CNTNAP2: variants seen among roughly 807,000 people sequenced by gnomAD.
The protein encoded by CNTNAP2 is contactin associated protein 2.
A neutral mutation model predicts 155.2 loss-of-function variants in CNTNAP2; 98 were observed. The observed-to-expected ratio is 0.63, with a 90% CI of 0.54 to 0.75. The LOEUF (loss-of-function observed/expected upper bound fraction) is 0.75. Ranked by LOEUF, CNTNAP2 falls within the 30% of genes least tolerant of loss-of-function variation. The pLI is 0.00. For missense variants in CNTNAP2, 1,727 were observed against 1,688.1 expected, an observed-to-expected ratio of 1.02 and a Z score of -0.40; for synonymous variants, 651 against 631.2, an observed-to-expected ratio of 1.03 and a Z score of -0.47.
At chr7:148,131,057 T>G (rs1804820852) in intron 16 of CNTNAP2, among the ~76,000 whole-genome samples, 1 of 151,418 alleles carries the variant, frequency 6.6e-6, no homozygotes, top group African/African-American at 2.4e-5. Flanking sequence ...CTCTCTTGGA[T>G]TCTAACGTTT....
intron 1 of CNTNAP2, among the ~76,000 whole-genome samples, chr7:146,205,794 A>G (rs1191225983): frequency 6.6e-6 from 1 of 151,918 alleles, no homozygotes; most frequent in Non-Finnish European, 1.5e-5. Flanking sequence ...TATATTTAAT[A>G]TGAGTGAAAA....
chr7:146,843,302 G>T (rs182239821), intron 3 of CNTNAP2, among the ~76,000 whole-genome samples: 1 of 146,466 alleles, frequency 6.8e-6, no homozygotes, highest in Non-Finnish European at 1.5e-5. Flanking sequence ...GTGAGCCACC[G>T]CGCCCGGCCC....
At chr7:147,037,416 T>A (rs1030876753) in intron 3 of CNTNAP2, among the ~76,000 whole-genome samples, 3 of 151,726 alleles carry the variant, frequency 2.0e-5, no homozygotes, top group African/African-American at 7.2e-5. Context: ...AAGTTTGTCT[T>A]TACTAGGTAT....
At chr7:148,145,779 G>A (rs1805165642) in intron 16 of CNTNAP2, among the ~76,000 whole-genome samples, 1 of 152,174 alleles carries the variant, frequency 6.6e-6, no homozygotes, top group African/African-American at 2.4e-5. Flanking sequence ...TACTTCCATG[G>A]AAACCTTGAT....
intron 1 of CNTNAP2, among the ~76,000 whole-genome samples, chr7:146,477,656 C>T (rs1796898711): frequency 6.7e-6 from 1 of 149,718 alleles, no homozygotes; most frequent in African/African-American, 2.4e-5. Flanking sequence ...CACACACACA[C>T]ACACACACAC....
intron 10 of CNTNAP2, among the ~76,000 whole-genome samples, chr7:147,441,689 G>T (rs1002939185): frequency 6.6e-6 from 1 of 152,104 alleles, no homozygotes; most frequent in Non-Finnish European, 1.5e-5. Context: ...TAACACTATG[G>T]TTCTTGCAGA....
chr7:146,352,771 T>TTTTTTTC (rs1563051362), intron 1 of CNTNAP2, among the ~76,000 whole-genome samples: 2 of 142,612 alleles, frequency 1.4e-5, no homozygotes, highest in African/African-American at 5.3e-5. Context: ...TTTTTTTTTT[T>TTTTTTTC]CGAGACAGAG....
At chr7:147,241,483 C>A (rs1803936577) in intron 8 of CNTNAP2, among the ~76,000 whole-genome samples, 2 of 151,946 alleles carry the variant, frequency 1.3e-5, no homozygotes, top group South Asian at 4.2e-4. Flanking sequence ...CAAAAATTAC[C>A]TGGGCGTGGT....
intron 21 of CNTNAP2, among the ~76,000 whole-genome samples, chr7:148,308,936 A>G (rs998693000): frequency 7.9e-5 from 12 of 152,166 alleles, no homozygotes; most frequent in Admixed American, 5.9e-4. Flanking sequence ...ATAGTGTTCC[A>G]TGGTGTATAT....
chr7:146,961,366 G>C (rs1466829765), intron 3 of CNTNAP2, among the ~76,000 whole-genome samples: 1 of 152,092 alleles, frequency 6.6e-6, no homozygotes, highest in African/African-American at 2.4e-5. Context: ...CAGGGTCTTG[G>C]GTCTACCTAT....
At chr7:147,751,145 T>A (rs2116503134) in intron 13 of CNTNAP2, among the ~76,000 whole-genome samples, 1 of 151,888 alleles carries the variant, frequency 6.6e-6, no homozygotes, top group East Asian at 1.9e-4. Context: ...CTGTGTGACC[T>A]TGGGCAAACC....
intron 10 of CNTNAP2, among the ~76,000 whole-genome samples, chr7:147,430,245 A>C (rs929241947): frequency 1.3e-5 from 2 of 152,232 alleles, no homozygotes; most frequent in African/African-American, 2.4e-5. Flanking sequence ...TTATATATTT[A>C]GCTAGAAGAA....
intron 15 of CNTNAP2, among the ~76,000 whole-genome samples, chr7:147,993,023 G>T (rs952306268): frequency 1.3e-5 from 2 of 152,186 alleles, no homozygotes; most frequent in Admixed American, 6.5e-5. Flanking sequence ...TCACAGAAAA[G>T]AAATTTATAT....
rs1802300391 is a variant in CNTNAP2 at position 147,174,693 on chromosome 7, C to G, written c.1348+42184C>G. 2.0e-5 allele frequency among the ~76,000 whole-genome samples: 3 copies of G among 152,054 alleles called. 1 individual carries two copies. ...TTTGGCAAAATAAGGAGCCTGCAGACTGCTTATGCCTTTGAAGAGAAAAAA... is the reference window on the plus strand; with the variant it reads ...TTTGGCAAAATAAGGAGCCTGCAGAGTGCTTATGCCTTTGAAGAGAAAAAA... On this transcript the variant is annotated intron_variant, in intron 8 of 23. Coordinates refer to ENST00000361727, the MANE Select transcript of CNTNAP2 (RefSeq NM_014141.6).
At chr7:147,549,043 C>T (rs967055379) in intron 11 of CNTNAP2, among the ~76,000 whole-genome samples, 4 of 152,108 alleles carry the variant, frequency 2.6e-5, no homozygotes, top group African/African-American at 9.7e-5. Context: ...TAGCATGATG[C>T]CTCCACCTTT....
chr7:146,219,634 G>A (rs1269329358), intron 1 of CNTNAP2, among the ~76,000 whole-genome samples: 3 of 152,150 alleles, frequency 2.0e-5, no homozygotes, highest in South Asian at 2.1e-4. Context: ...GATTGGTTGT[G>A]TTAATTTTCA....
intron 15 of CNTNAP2, among the ~76,000 whole-genome samples, chr7:147,984,904 C>T (rs571865932): frequency 6.6e-6 from 1 of 152,146 alleles, no homozygotes; most frequent in Non-Finnish European, 1.5e-5. Context: ...CACTTGAGGT[C>T]AGGAGTTTGA....
At chr7:146,191,153 T>C (rs1202471891) in intron 1 of CNTNAP2, among the ~76,000 whole-genome samples, 2 of 152,180 alleles carry the variant, frequency 1.3e-5, no homozygotes, top group Non-Finnish European at 2.9e-5. Flanking sequence ...TAGGTTCTTT[T>C]CTATTTTCCC....
intron 13 of CNTNAP2, among the ~76,000 whole-genome samples, chr7:147,816,758 T>A (rs1219719182): frequency 6.6e-6 from 1 of 152,154 alleles, no homozygotes; most frequent in Non-Finnish European, 1.5e-5. Flanking sequence ...AATATTGCAG[T>A]TCATTAATGT....
Sources: allele counts gnomAD v4.1 joint callset (sites outside exome capture counted in the v4.1 genomes callset), GRCh38; gene constraint gnomAD v4.1.1; transcripts MANE v1.5; gene names NCBI Gene and HGNC (gene_info 2026-07-23, HGNC 2026-07-21).